The following BRD3 variants were observed in gnomAD, a reference collection of about 807,000 sequenced individuals.
The protein encoded by BRD3 is bromodomain containing 3.
In BRD3, 17 loss-of-function variants were observed where a neutral mutation model predicts 66.8. That is an observed-to-expected ratio of 0.25 (90% confidence interval 0.17 to 0.38). The LOEUF (loss-of-function observed/expected upper bound fraction) is 0.38. Among genes scored for constraint, BRD3 ranks in the 10% least tolerant of loss-of-function variants. The pLI is 1.00. For synonymous variants in BRD3, 421 were observed against 393.2 expected (o/e 1.07, Z -0.84); for missense variants, 713 against 956.1 (o/e 0.75, Z 3.35).
At chr9:134,048,906 G>C (rs562380007) in intron 5 of BRD3, among the ~76,000 whole-genome samples, 1 of 152,210 alleles carries the variant, frequency 6.6e-6, no homozygotes, top group Non-Finnish European at 1.5e-5. Flanking sequence ...GCCTGAGAGC[G>C]GGGGCTCCGC....
Position 134,034,741 on chromosome 9 carries a change from G to A in BRD3, c.2025C>T (p.Val675=), listed in dbSNP as rs775252857. The A allele has an allele frequency of 5.6e-6, 9 of 1,609,324 alleles. No homozygotes were observed. Among genetic ancestry groups the A allele is most frequent in the Admixed American group, 5.0e-5 (3 of 60,012 alleles). ...KKELEKRLQD[V]SGQLSSSKKP... Reference sequence around the variant, plus strand: ...TCTTGCTGCTGCTCAGCTGCCCGCTGACATCCTGCAGACGCTTTTCCAGCT... The same window carrying A: ...TCTTGCTGCTGCTCAGCTGCCCGCTAACATCCTGCAGACGCTTTTCCAGCT... The change falls in exon 11 of 12, where the codon GTC becomes GTT. Residue 675 remains valine (V), a synonymous_variant. Coordinates refer to ENST00000303407, the MANE Select transcript of BRD3 (RefSeq NM_007371.4).
At chr9:134,067,044 A>G (rs10993909) in intron 1 of BRD3, among the ~76,000 whole-genome samples, 54,163 of 151,854 alleles carry the variant, frequency 0.36, 10,180 homozygotes, top group Middle Eastern at 0.53. Flanking sequence ...AGCTTTATTC[A>G]CAGAGAGCCC....
intron 1 of BRD3, among the ~76,000 whole-genome samples, chr9:134,063,232 G>A (rs939756773): frequency 7.2e-5 from 11 of 152,206 alleles, no homozygotes; most frequent in African/African-American, 2.2e-4. Context: ...GGGACAGACC[G>A]GAGGCAGAGC....
chr9:134,050,582 T>C lies in BRD3; in HGVS notation c.506A>G (p.Gln169Arg). Residue 169 changes from glutamine (Q) to arginine (R), a missense_variant, in exon 5 of 12, where the codon CAG becomes CGG. Transcript: ENST00000303407. ...PAAGAQSAGT[Q>R]QVAAVSSVSP... ...GACAGAGGACACGGCCGCCACTTGC[T>C]GTGTACCTTCAAGACAAGGAAGGGA... The C allele has an allele frequency of 6.2e-7, 1 of 1,606,440 alleles. No individual in the cohort carries two copies. Among genetic ancestry groups the C allele is most frequent in the Non-Finnish European group, 8.5e-7 (1 of 1,178,506 alleles).
At chr9:134,040,433 G>A (rs1191370535) in intron 8 of BRD3, among the ~76,000 whole-genome samples, 164 bp from the exon 9 acceptor site, 2 of 152,140 alleles carry the variant, frequency 1.3e-5, no homozygotes, top group African/African-American at 2.4e-5. Context: ...CCTCACTCCC[G>A]TGACCCCCAG....
At chr9:134,034,266 C>T (rs1375150363) in intron 11 of BRD3, among the ~76,000 whole-genome samples, 1 of 152,232 alleles carries the variant, frequency 6.6e-6, no homozygotes, top group African/African-American at 2.4e-5. Flanking sequence ...AATGCTGGCT[C>T]CCCTGAGCAA....
At chr9:134,050,181 T>A (rs976964982) in intron 5 of BRD3, among the ~76,000 whole-genome samples, 193 bp downstream of exon 5, 3 of 152,200 alleles carry the variant, frequency 2.0e-5, no homozygotes, top group Non-Finnish European at 2.9e-5. Flanking sequence ...CTGTGTGACC[T>A]TCAGCTCCCC....
intron 11 of BRD3, 199 bp downstream of exon 11, chr9:134,034,502 C>T: frequency 1.4e-6 from 1 of 709,156 alleles, no homozygotes; most frequent in Non-Finnish European, 2.3e-6. Context: ...ATGTGCACAC[C>T]TCCCTGCAGG....
chr9:134,059,574 G>A (rs1037604313), intron 1 of BRD3, among the ~76,000 whole-genome samples: 3 of 152,234 alleles, frequency 2.0e-5, no homozygotes, highest in African/African-American at 7.2e-5. Context: ...AAGGGGGTGT[G>A]GTCTCCTGGG....
At position 134,036,168 on chromosome 9, in the gene BRD3, T is replaced by C. The variant is rs757843939; in HGVS notation, c.1800A>G (p.Gln600=). 5 of 1,614,100 alleles carry C rather than the reference T, an allele frequency of 3.1e-6. No individual in the cohort carries two copies. Among genetic ancestry groups the C allele is most frequent in the African/African-American group, 1.3e-5 (1 of 74,934 alleles). Reference sequence around the variant, plus strand: ...AGTCCCTGAGCGAGGGCTCCCGAGATTGGATGATGTGCACTACCCGGCCCA... The same window carrying C: ...AGTCCCTGAGCGAGGGCTCCCGAGACTGGATGATGTGCACTACCCGGCCCA... ...EKLGRVVHII[Q]SREPSLRDSN... The change falls in exon 10 of 12, where the codon CAA becomes CAG. Residue 600 remains glutamine, a synonymous_variant. Coordinates refer to ENST00000303407, the MANE Select transcript of BRD3 (RefSeq NM_007371.4).
intron 10 of BRD3, 39 bp downstream of exon 10, chr9:134,035,993 G>C: frequency 1.3e-6 from 2 of 1,556,446 alleles, no homozygotes; most frequent in Non-Finnish European, 1.7e-6. Context: ...AAGGAGGGGA[G>C]AGGAACTTCA....
In BRD3 at chr9:134,048,326, A is replaced by G. The variant is rs749249699; in HGVS notation, c.843T>C (p.Ser281=). 2.5e-6 allele frequency: 4 copies of G among 1,597,346 alleles called. No individual in the cohort carries two copies. The highest frequency in any genetic ancestry group is 3.3e-5 in the Admixed American group (2 of 59,794). ...KQAKVVARRE[S]GGRPIKPPKK... is the part of the protein sequence containing the mutation. ...TGGGAGGCTTGATGGGGCGGCCACC[A>G]CTCTCCCGCCGGGCCACCACTTTGG... Residue 281 remains serine, a synonymous_variant, in exon 6 of 12, where the codon AGT becomes AGC. Transcript: ENST00000303407.
intron 1 of BRD3, among the ~76,000 whole-genome samples, chr9:134,063,930 T>G (rs534340429): frequency 2.1e-4 from 32 of 152,028 alleles, no homozygotes; most frequent in African/African-American, 7.7e-4. Context: ...CCGGATTAAC[T>G]TCTGACGAAC....
At chr9:134,061,265 T>TG (rs1170520284) in intron 1 of BRD3, among the ~76,000 whole-genome samples, 2 of 152,182 alleles carry the variant, frequency 1.3e-5, no homozygotes, top group Non-Finnish European at 2.9e-5. Context: ...GGCTGGACCA[T>TG]GGGGGCATCT....
chr9:134,034,746 C>T lies in BRD3; in HGVS notation c.2020G>A (p.Asp674Asn), dbSNP rs1361268853. 1 of 1,609,904 alleles carries T rather than the reference C, an allele frequency of 6.2e-7. No individual in the cohort carries two copies. Among genetic ancestry groups the T allele is most frequent in the African/African-American group, 1.3e-5 (1 of 74,960 alleles). Residue 674 changes from aspartate to asparagine, a missense_variant, in exon 11 of 12, where the codon GAT becomes AAT. By Grantham distance (23) the Asp-to-Asn change is conservative. Coordinates refer to ENST00000303407, the MANE Select transcript of BRD3 (RefSeq NM_007371.4). ...CTGCTGCTCAGCTGCCCGCTGACAT[C>T]CTGCAGACGCTTTTCCAGCTCCTTC... ...KKKELEKRLQ[D>N]VSGQLSSSKK... is the part of the protein sequence containing the mutation.
intron 8 of BRD3, among the ~76,000 whole-genome samples, chr9:134,040,532 A>G (rs1358875437): frequency 6.6e-6 from 1 of 152,232 alleles, no homozygotes; most frequent in Non-Finnish European, 1.5e-5. Flanking sequence ...CGGGTGGCAC[A>G]ACAGGGACTC....
chr9:134,062,629 C>T (rs1220469571), intron 1 of BRD3, among the ~76,000 whole-genome samples: 1 of 152,220 alleles, frequency 6.6e-6, no homozygotes, highest in African/African-American at 2.4e-5. Context: ...TCTCTACCCA[C>T]TCCTCGAATA....
chr9:134,044,209 G>T (rs1830119292), intron 7 of BRD3, among the ~76,000 whole-genome samples: 1 of 152,196 alleles, frequency 6.6e-6, no homozygotes, highest in Non-Finnish European at 1.5e-5. Flanking sequence ...GGACCACCCT[G>T]CCATCATCAC....
In BRD3 at chr9:134,065,318, G is replaced by A. The variant is rs1054439847; in HGVS notation, c.-114+2627C>T. 7.2e-5 allele frequency among the ~76,000 whole-genome samples: 11 copies of A among 152,176 alleles called. No individual in the cohort carries two copies. The South Asian group carries it at 1.2e-3, about 17-fold the overall frequency. ...GGACGCCTGTAATCCCAGCTACTTGGGAGGCTGAAGCAGGAGAATTGCTAG... is the reference window on the plus strand; with the variant it reads ...GGACGCCTGTAATCCCAGCTACTTGAGAGGCTGAAGCAGGAGAATTGCTAG... On this transcript the variant is annotated intron_variant, in intron 1 of 11. Coordinates refer to ENST00000303407, the MANE Select transcript of BRD3 (RefSeq NM_007371.4).
Sources: allele counts gnomAD v4.1 joint callset (sites outside exome capture counted in the v4.1 genomes callset), GRCh38; gene constraint gnomAD v4.1.1; transcripts MANE v1.5; gene names NCBI Gene and HGNC (gene_info 2026-07-23, HGNC 2026-07-21).